Variants in TRO observed in about 807,000 individuals in gnomAD.
TRO encodes MAGE superfamily protein.
Under a neutral mutation model 42.3 loss-of-function variants are expected in TRO, and 29 were observed. The ratio of observed to expected loss-of-function variants is 0.68; its 90% confidence interval spans 0.51 to 0.93. The LOEUF is 0.93. Among genes scored for constraint, TRO ranks in the 40% least tolerant of loss-of-function variants. The probability of loss-of-function intolerance (pLI) is 0.00; values close to 1 mark genes in which losing one functional copy is unlikely to be tolerated. For missense variants in TRO, 963 were observed against 1,127.7 expected (o/e 0.85, Z 2.09); for synonymous variants, 384 against 425.2 (o/e 0.90, Z 1.19).
intron 9 of TRO, 95 bp downstream of exon 9, chrX:54,926,720 C>A (rs1417662252): frequency 3.4e-6 from 4 of 1,174,407 alleles, no homozygotes; most frequent in Non-Finnish European, 3.4e-6. Flanking sequence ...TCTGGTGGAG[C>A]GGGTGGGGTG....
At chrX:54,927,461 G>A in intron 10 of TRO, 1 of 449,179 alleles carries the variant, frequency 2.2e-6, no homozygotes, top group Non-Finnish European at 3.9e-6. Flanking sequence ...CCAAGGGACT[G>A]CTTTGCACAG....
rs773475042 is a variant in TRO, at chrX:54,926,298, G to C, written c.1578-112G>C. 3.4e-4 allele frequency: 242 copies of C among 717,280 alleles called. No individual in the cohort carries two copies. In the Middle Eastern group the frequency reaches 6.6e-3, roughly 19 times the overall value. 59.1% of individuals were successfully genotyped at this position (717,280 alleles called of 1,213,427 possible). On this transcript the variant is annotated intron_variant, in intron 7 of 12. Coordinates refer to ENST00000173898, the MANE Select transcript of TRO (RefSeq NM_001039705.3). ...TTCTGTATCTGAGGAATCTGGGAGA[G>C]GTTAGCCTGGTGAGCTGGCTGGTGT... is the stretch of plus-strand genomic sequence containing the variant.
In TRO at chrX:54,925,076, G is replaced by A. The variant is rs1262923360; in HGVS notation, c.1485+8G>A. 2.5e-6 allele frequency: 3 copies of A among 1,206,654 alleles called. No individual in the cohort carries two copies. The highest frequency in any genetic ancestry group is 1.8e-5 in the South Asian group (1 of 56,188). ...AGCTACACTCTGGAGAAGGTGAAGG[G>A]GCAGTGCTGGCGGATGGGCGCAATG... On this transcript the variant is annotated splice_region_variant and intron_variant, in intron 6 of 12. Coordinates refer to ENST00000173898, the MANE Select transcript of TRO (RefSeq NM_001039705.3).
chrX:54,924,404 C>G lies in TRO; in HGVS notation c.1237-47C>G, dbSNP rs753230324. On this transcript the variant is annotated intron_variant, in intron 3 of 12. Transcript: ENST00000173898. Reference sequence around the variant, plus strand: ...AGGCAAGGTGAGGAGACAGAGCCATCTCTTTCACCTGGTGACTCTGGACCT... The same window carrying G: ...AGGCAAGGTGAGGAGACAGAGCCATGTCTTTCACCTGGTGACTCTGGACCT... 1.5e-5 allele frequency: 16 copies of G among 1,100,304 alleles called. No homozygotes were observed. In the South Asian group the frequency reaches 3.5e-4, roughly 24 times the overall value. The allele number at this position is 1,100,304 out of a possible 1,213,427, so 90.7% of individuals were successfully genotyped here.
rs1420859166 is a variant in TRO at position 54,922,999 on chromosome X, C to A, written c.467C>A (p.Pro156Gln). 1 of 1,212,073 alleles carries A rather than the reference C, an allele frequency of 8.3e-7. No individual in the cohort carries two copies. The highest frequency in any genetic ancestry group is 1.1e-6 in the Non-Finnish European group (1 of 895,616). The change falls in exon 3 of 13, where the codon CCA (proline) becomes CAA (glutamine). Residue 156 changes from proline to glutamine, a missense_variant. Physicochemically the swap from Pro to Gln is moderately conservative, Grantham distance 76 (BLOSUM62 -1). Around this residue, in one of 2 missense-constraint regions of TRO, gnomAD observed 322 missense variants for 316.5 expected, o/e 1.02. Transcript: ENST00000173898. ...TAKAAQGSQSPTGHEGGTIQL... is the reference protein window; with the variant it reads ...TAKAAQGSQSQTGHEGGTIQL... ...AAGGCAGCCCAAGGCTCCCAATCCC[C>A]AACTGGCCATGAGGGTGGCACTATA... is the stretch of plus-strand genomic sequence containing the variant.
At chrX:54,923,802 T>C (rs1447295957) in intron 3 of TRO, 34 bp downstream of exon 3, 1 of 1,142,423 alleles carries the variant, frequency 8.8e-7, no homozygotes, top group East Asian at 3.0e-5. Flanking sequence ...CTTAACTTTG[T>C]GCTTCTTTTC....
At position 54,928,543 on chromosome X, in the gene TRO, G is replaced by A. The variant is rs1342365062; in HGVS notation, c.1879-60G>A. The A allele has an allele frequency of 1.5e-5, 17 of 1,114,951 alleles. No individual in the cohort carries two copies. In the East Asian group the frequency reaches 2.7e-4, roughly 18 times the overall value. The allele number at this position is 1,114,951 out of a possible 1,213,427, so 91.9% of individuals were successfully genotyped here. On this transcript the variant is annotated intron_variant, in intron 11 of 12. Transcript: ENST00000173898. ...TTGCTACTAGTTTAATACAAAGCCC[G>A]TAGGTTAATACATGATTACTAGGGT... is the stretch of plus-strand genomic sequence containing the variant.
At position 54,929,104 on chromosome X, in the gene TRO, A is replaced by T; in HGVS notation, c.2380A>T (p.Ser794Cys). Residue 794 changes from serine to cysteine, a missense_variant, in exon 12 of 13, where the codon AGC (serine) becomes TGC (cysteine). Physicochemically the swap from Ser to Cys is moderately radical, Grantham distance 112 (BLOSUM62 -1). Around this residue, in one of 2 missense-constraint regions of TRO, gnomAD observed 641 missense variants for 811.3 expected, o/e 0.79. Transcript: ENST00000173898. ...CAGCTTCAGCAGCGCAGCCAGCATT[A>T]GCTTTGGTTGTGCACACAGCACCAG... is the stretch of plus-strand genomic sequence containing the variant. The part of the protein sequence containing the change: ...SSSFSSAASI[S>C]FGCAHSTSTS... 1 of 1,212,455 alleles carries T rather than the reference A, an allele frequency of 8.2e-7. No individual in the cohort carries two copies. The highest frequency in any genetic ancestry group is 1.1e-6 in the Non-Finnish European group (1 of 895,681).
chrX:54,922,523 G>C (rs941766399), intron 2 of TRO, 55 bp from the exon 3 acceptor site: 15 of 1,096,537 alleles, frequency 1.4e-5, no homozygotes, highest in African/African-American at 1.9e-5. Flanking sequence ...TTGTGGAAAG[G>C]GATGGGCTTT....
intron 10 of TRO, 188 bp downstream of exon 10, chrX:54,927,293 G>A (rs1243058683): frequency 1.9e-6 from 1 of 519,562 alleles, no homozygotes; most frequent in Non-Finnish European, 3.3e-6. Flanking sequence ...CTCAACACAA[G>A]GCCCTTGCAG....
In TRO at chrX:54,930,202, G is replaced by A. The variant is rs763621249; in HGVS notation, c.3478G>A (p.Gly1160Ser). 1.6e-6 allele frequency: 2 copies of A among 1,212,158 alleles called. No individual in the cohort carries two copies. Among genetic ancestry groups the A allele is most frequent in the East Asian group, 3.0e-5 (1 of 33,839 alleles). Residue 1160 changes from glycine (G) to serine (S), a missense_variant, in exon 12 of 13, where the codon GGC becomes AGC. This residue lies in a region of TRO where 641 missense variants were observed against 811.3 expected (regional missense o/e 0.79). Transcript: ENST00000173898. Reference sequence around the variant, plus strand: ...AGCTCCCAGCACCAGCCTCTGCTTTGGCAGTGCATCTAATACTAACCTATG... The same window carrying A: ...AGCTCCCAGCACCAGCCTCTGCTTTAGCAGTGCATCTAATACTAACCTATG... ...GGAPSTSLCF[G>S]SASNTNLCFG...
At position 54,922,606 on chromosome X, in the gene TRO, G is replaced by A; in HGVS notation, c.74G>A (p.Gly25Glu). Residue 25 changes from glycine to glutamate, a missense_variant, in exon 3 of 13, where the codon GGG becomes GAG. Transcript: ENST00000173898. ...CCTCTGCCTCCCCCGGGGAGCCTGG[G>A]GCTTCCCTTCCCTCCAGATATACAG... Reference protein sequence around the residue: ...QGPLPPPGSLGLPFPPDIQTE... With the variant: ...QGPLPPPGSLELPFPPDIQTE... 1 of 1,210,157 alleles carries A rather than the reference G, an allele frequency of 8.3e-7. No homozygotes were observed. The highest frequency in any genetic ancestry group is 1.8e-5 in the South Asian group (1 of 56,712).
At position 54,929,237 on chromosome X, in the gene TRO, G is replaced by C; in HGVS notation, c.2513G>C (p.Ser838Thr). Reference sequence around the variant, plus strand: ...AGTTTTAGTGGCCCACTCAGCACCAGTGCCACTTTCAGTGGTGGAGCCAGC... The same window carrying C: ...AGTTTTAGTGGCCCACTCAGCACCACTGCCACTTTCAGTGGTGGAGCCAGC... ...SSSFSGPLST[S>T]ATFSGGASSG... Residue 838 changes from serine to threonine, a missense_variant, in exon 12 of 13, where the codon AGT becomes ACT. Physicochemically the swap from Ser to Thr is moderately conservative, Grantham distance 58. This residue lies in a region of TRO where 641 missense variants were observed against 811.3 expected (regional missense o/e 0.79). Coordinates refer to ENST00000173898, the MANE Select transcript of TRO (RefSeq NM_001039705.3). 8.2e-7 allele frequency: 1 copy of C among 1,212,385 alleles called. No individual in the cohort carries two copies. The highest frequency in any genetic ancestry group is 1.1e-6 in the Non-Finnish European group (1 of 895,619).
intron 5 of TRO, 99 bp from the exon 6 acceptor site, chrX:54,924,890 T>TGA: frequency 9.9e-7 from 1 of 1,005,151 alleles, no homozygotes; most frequent in East Asian, 3.1e-5. Flanking sequence ...TTAACTCACT[T>TGA]CAGGTCTCTG....
In TRO at chrX:54,928,924, A is replaced by G. The variant is rs1404939407; in HGVS notation, c.2200A>G (p.Ser734Gly). 8.3e-7 allele frequency: 1 copy of G among 1,211,402 alleles called. No homozygotes were observed. The highest frequency in any genetic ancestry group is 3.0e-5 in the East Asian group (1 of 33,866). ...SRGASTRAGF[S>G]DGASISFNGA... ...AGGAGCTAGTACCAGGGCTGGCTTC[A>G]GCGATGGTGCTAGTATTAGCTTCAA... The change falls in exon 12 of 13, where the codon AGC (serine) becomes GGC (glycine). Residue 734 changes from serine to glycine, a missense_variant. By Grantham distance (56) the Ser-to-Gly change is moderately conservative. Transcript: ENST00000173898.
chrX:54,921,937 C>T, intron 1 of TRO: 1 of 252,020 alleles, frequency 4.0e-6, no homozygotes, highest in Non-Finnish European at 6.9e-6. Context: ...TAGAGGTGGG[C>T]CTAAGATGGG....
At chrX:54,927,603 G>C in intron 10 of TRO, 64 bp from the exon 11 acceptor site, 2 of 896,170 alleles carry the variant, frequency 2.2e-6, no homozygotes, top group Non-Finnish European at 3.2e-6. Flanking sequence ...GTTGCCACCT[G>C]GTGTCTAGTG....
At chrX:54,922,178 C>A in intron 1 of TRO, 25 bp from the exon 2 acceptor site, 7 of 1,106,049 alleles carry the variant, frequency 6.3e-6, no homozygotes, top group Non-Finnish European at 8.6e-6. Flanking sequence ...ATGAATCTCC[C>A]CCTCCCTCTC....
Position 54,923,304 on chromosome X carries a change from T to C in TRO, c.772T>C (p.Ser258Pro), listed in dbSNP as rs747408513. 4.1e-6 allele frequency: 5 copies of C among 1,209,051 alleles called. No homozygotes were observed. The Admixed American group carries it at 1.1e-4, about 26-fold the overall frequency. ...AGCCTCCATCCGAACCAAGAAAGCC[T>C]CCAAAGCCAGGAAGACAATTGCTAA... is the stretch of plus-strand genomic sequence containing the variant. ...TAASIRTKKA[S>P]KARKTIAKVI... Residue 258 changes from serine (S) to proline (P), a missense_variant, in exon 3 of 13, where the codon TCC (serine) becomes CCC (proline). By Grantham distance (74) the Ser-to-Pro change is moderately conservative. Transcript: ENST00000173898.
Sources: gnomAD v4.1 joint callset for allele counts on GRCh38, gnomAD v4.1.1 for gene constraint, gnomAD v4.1.1 regional missense constraint, MANE v1.5 for transcripts, NCBI Gene and HGNC (gene_info 2026-07-23, HGNC 2026-07-21) for gene names.